CRYBB1: variants seen among roughly 807,000 people sequenced by gnomAD.
CRYBB1 encodes the protein crystallin beta B1.
CRYBB1 carries 16 observed loss-of-function variants against 29.5 expected under a neutral mutation model. The ratio of observed to expected loss-of-function variants is 0.54; its 90% confidence interval spans 0.37 to 0.82. The LOEUF is 0.82. Ranked by LOEUF, CRYBB1 falls within the 40% of genes least tolerant of loss-of-function variation. The pLI, the probability that CRYBB1 is intolerant of heterozygous loss-of-function variation, is 0.00. For missense variants in CRYBB1, 300 were observed against 350.5 expected, an observed-to-expected ratio of 0.86 and a Z score of 1.15; for synonymous variants, 127 against 136.7, an observed-to-expected ratio of 0.93 and a Z score of 0.49.
intron 2 of CRYBB1, among the ~76,000 whole-genome samples, chr22:26,612,866 C>A (rs1929222521): frequency 1.3e-5 from 2 of 152,208 alleles, no homozygotes; most frequent in African/African-American, 4.8e-5. Context: ...TCCAGGAAGC[C>A]TTCTCTGATT....
rs1478845189 is a variant in CRYBB1, at chr22:26,601,986, C to G, written c.468G>C (p.Gly156=). Residue 156 remains glycine, a synonymous_variant, in exon 5 of 6, where the codon GGG becomes GGC. Transcript: ENST00000647684. The stretch of plus-strand genomic sequence containing the variant: ...CTATGGTGTTGCCCTTGAAGTTGGC[C>G]CCTTCAAACAGGGAGATTTTGTGCT... ...AQEHKISLFE[G]ANFKGNTIEI... is the part of the protein sequence containing the mutation. 1.2e-6 allele frequency: 2 copies of G among 1,613,750 alleles called. No homozygotes were observed. The highest frequency in any genetic ancestry group is 1.7e-5 in the Admixed American group (1 of 60,000).
chr22:26,604,265 C>G (rs1184751765), intron 4 of CRYBB1, among the ~76,000 whole-genome samples: 1 of 152,336 alleles, frequency 6.6e-6, no homozygotes, highest in African/African-American at 2.4e-5. Flanking sequence ...TCTCAGTTTC[C>G]TTGCTTTTAA....
chr22:26,604,349 C>A lies in CRYBB1; in HGVS notation c.433-2328G>T, dbSNP rs563279354. On this transcript the variant is annotated intron_variant, in intron 4 of 5. Transcript: ENST00000647684. ...TAAAAGGCAGGTAATATACCCAGTA[C>A]GTAGTTGGTGCTTAAAAATGGATGC... Among the ~76,000 whole-genome samples the A allele has an allele frequency of 3.5e-3, 526 of 152,280 alleles. 2 individuals carry two copies. Among genetic ancestry groups the A allele is most frequent in the African/African-American group, 0.012 (506 of 41,534 alleles).
chr22:26,607,059 G>A (rs888895537), intron 4 of CRYBB1, among the ~76,000 whole-genome samples: 8 of 120,596 alleles, frequency 6.6e-5, no homozygotes, highest in South Asian at 2.6e-4. Context: ...GTCTGGCACC[G>A]TCACCCCGGC....
At chr22:26,605,399 C>T (rs867237797) in intron 4 of CRYBB1, among the ~76,000 whole-genome samples, 3 of 152,140 alleles carry the variant, frequency 2.0e-5, no homozygotes, top group African/African-American at 4.8e-5. Flanking sequence ...ACTGGTTGGG[C>T]GCACTGGCTC....
chr22:26,601,835 G>C (rs1335864688), intron 5 of CRYBB1, 44 bp downstream of exon 5: 1 of 1,610,978 alleles, frequency 6.2e-7, no homozygotes, highest in South Asian at 1.1e-5. Flanking sequence ...GATTCTGCCT[G>C]TGCTTGAAGC....
rs1204234187 is a variant in CRYBB1 at position 26,613,874 on chromosome 22, C to A, written c.181-1684G>T. ...CAAATGGGAGAAATATCGCTGAATT[C>A]TTTTTCTCAGCATGGAACATCCCTG... On this transcript the variant is annotated intron_variant, in intron 2 of 5. Transcript: ENST00000647684. 4.6e-5 allele frequency among the ~76,000 whole-genome samples: 7 copies of A among 152,326 alleles called. No individual in the cohort carries two copies. In the East Asian group the frequency reaches 1.3e-3, roughly 29 times the overall value.
chr22:26,607,564 A>G (rs897599376), intron 4 of CRYBB1, among the ~76,000 whole-genome samples: 1 of 151,242 alleles, frequency 6.6e-6, no homozygotes, highest in Middle Eastern at 3.2e-3. Flanking sequence ...CTTTGGGAAA[A>G]AAAAAAAAAA....
At chr22:26,603,384 G>A (rs771204014) in intron 4 of CRYBB1, among the ~76,000 whole-genome samples, 4 of 150,972 alleles carry the variant, frequency 2.6e-5, no homozygotes, top group African/African-American at 4.9e-5. Context: ...GCAAAAATTA[G>A]CCAGGTGCAA....
intron 3 of CRYBB1, among the ~76,000 whole-genome samples, chr22:26,609,199 A>T (rs117474288): frequency 0.014 from 2,078 of 152,320 alleles, 21 homozygotes; most frequent in Non-Finnish European, 0.021. Context: ...GGAGACAAGG[A>T]TGATGGGCTA....
At chr22:26,603,494 C>T (rs964242318) in intron 4 of CRYBB1, among the ~76,000 whole-genome samples, 3 of 151,904 alleles carry the variant, frequency 2.0e-5, no homozygotes, top group African/African-American at 7.3e-5. Context: ...CACACCACTG[C>T]ACTCCAGCCT....
chr22:26,616,283 C>A lies in CRYBB1; in HGVS notation c.37G>T (p.Val13Leu), dbSNP rs747901309. The change falls in exon 2 of 6, where the codon GTG (valine) becomes TTG (leucine). Residue 13 changes from valine (V) to leucine (L), a missense_variant. Val to Leu is a conservative substitution (Grantham distance 32, BLOSUM62 1). Transcript: ENST00000647684. ...GTGTCAGGCCCTGGGTTCACCGCCACTGTGGCCGAGGCCGAGGCCTTTGCA... is the reference window on the plus strand; with the variant it reads ...GTGTCAGGCCCTGGGTTCACCGCCAATGTGGCCGAGGCCGAGGCCTTTGCA... ...QAAKASASAT[V>L]AVNPGPDTKG... 6.2e-7 allele frequency: 1 copy of A among 1,614,000 alleles called. No individual in the cohort carries two copies. Among genetic ancestry groups the A allele is most frequent in the Admixed American group, 1.7e-5 (1 of 60,028 alleles).
In CRYBB1 at chr22:26,607,560, G is replaced by GA. The variant is rs397868247; in HGVS notation, c.432+328dup. On this transcript the variant is annotated intron_variant, in intron 4 of 5. Coordinates refer to ENST00000647684, the MANE Select transcript of CRYBB1 (RefSeq NM_001887.4). ...GGACACAGCAAAACCCCATCTTTGGGAAAAAAAAAAAAAAAAAAAGCTCCC... is the reference window on the plus strand; with the variant it reads ...GGACACAGCAAAACCCCATCTTTGGGAAAAAAAAAAAAAAAAAAAAGCTCCC... 0.031 allele frequency among the ~76,000 whole-genome samples: 3,631 copies of GA among 116,218 alleles called. 139 individuals are homozygous for GA. Among genetic ancestry groups the GA allele is most frequent in the African/African-American group, 0.1 (3,067 of 29,752 alleles). The allele number at this position is 116,218 out of a possible 152,430, so 76.2% of individuals were successfully genotyped here.
chr22:26,610,022 A>T (rs1374247777), intron 3 of CRYBB1, among the ~76,000 whole-genome samples: 1 of 146,930 alleles, frequency 6.8e-6, no homozygotes, highest in Admixed American at 6.9e-5. Context: ...CTTCTGGAAA[A>T]ACAGACACTG....
intron 4 of CRYBB1, among the ~76,000 whole-genome samples, chr22:26,603,795 G>T (rs372347499): frequency 6.6e-6 from 1 of 151,398 alleles, no homozygotes; most frequent in South Asian, 2.1e-4. Flanking sequence ...GTGGTGGCAC[G>T]CACCTGTAGT....
chr22:26,613,314 G>A (rs551497386), intron 2 of CRYBB1, among the ~76,000 whole-genome samples: 15 of 152,290 alleles, frequency 9.8e-5, no homozygotes, highest in African/African-American at 3.6e-4. Flanking sequence ...AGGAGGGGAG[G>A]TTCATATAAC....
intron 4 of CRYBB1, among the ~76,000 whole-genome samples, chr22:26,607,277 C>T (rs1929007442): frequency 6.6e-6 from 1 of 152,146 alleles, no homozygotes; most frequent in Admixed American, 6.5e-5. Flanking sequence ...CCACCTCAGC[C>T]TCCCAAAGTG....
chr22:26,609,754 T>C (rs1273174465), intron 3 of CRYBB1, among the ~76,000 whole-genome samples: 2 of 152,136 alleles, frequency 1.3e-5, no homozygotes, highest in African/African-American at 4.8e-5. Context: ...ATGTAGGAGT[T>C]AAGAGGACAG....
chr22:26,611,774 G>A (rs1397294223), intron 3 of CRYBB1, among the ~76,000 whole-genome samples: 2 of 152,002 alleles, frequency 1.3e-5, no homozygotes, highest in African/African-American at 2.4e-5. Flanking sequence ...GCGCCCGGCC[G>A]GGCTAGAGTT....
Sources: gnomAD v4.1 joint callset for allele counts (sites outside exome capture counted in the v4.1 genomes callset) on GRCh38, gnomAD v4.1.1 for gene constraint, MANE v1.5 for transcripts, NCBI Gene and HGNC (gene_info 2026-07-23, HGNC 2026-07-21) for gene names.